PCDH9: variants seen among roughly 807,000 people sequenced by gnomAD.
PCDH9 encodes the protein protocadherin-9.
PCDH9 carries 24 observed loss-of-function variants against 70.6 expected under a neutral mutation model. That is an observed-to-expected ratio of 0.34 (90% CI 0.25 to 0.48). PCDH9 has a LOEUF of 0.48. PCDH9 is among the 20% of genes least tolerant of loss of function. The pLI, the probability that PCDH9 is intolerant of heterozygous loss-of-function variation, is 0.99. For synonymous variants in PCDH9, 562 were observed against 558.5 expected, an observed-to-expected ratio of 1.01 and a Z score of -0.09; for missense variants, 1,281 against 1,503.6, an observed-to-expected ratio of 0.85 and a Z score of 2.45.
At chr13:66,578,095 A>G (rs1566431494) in intron 4 of PCDH9, among the ~76,000 whole-genome samples, 2 of 152,108 alleles carry the variant, frequency 1.3e-5, no homozygotes, top group South Asian at 2.1e-4. Context: ...TCCCTAATGT[A>G]TTCAATATGC....
intron 2 of PCDH9, among the ~76,000 whole-genome samples, chr13:66,992,255 G>A (rs1299348157): frequency 6.6e-6 from 1 of 152,126 alleles, no homozygotes; most frequent in East Asian, 1.9e-4. Context: ...AGTAGTTTCT[G>A]AGTACTTACT....
intron 2 of PCDH9, among the ~76,000 whole-genome samples, chr13:67,100,910 CA>C (rs1194544476): frequency 6.6e-6 from 1 of 152,004 alleles, no homozygotes; most frequent in African/African-American, 2.4e-5. Context: ...GAAAGATATG[CA>C]ATCACTCAAA....
At chr13:67,022,303 T>C (rs1213080793) in intron 2 of PCDH9, among the ~76,000 whole-genome samples, 4 of 151,798 alleles carry the variant, frequency 2.6e-5, no homozygotes. Flanking sequence ...TGTATTTTTG[T>C]AGAGATGGGG....
intron 3 of PCDH9, among the ~76,000 whole-genome samples, chr13:66,845,322 T>C (rs2081188616): frequency 6.6e-6 from 1 of 152,192 alleles, no homozygotes; most frequent in African/African-American, 2.4e-5. Context: ...AGCAGGGAGC[T>C]GGCATCTCAG....
rs562759995 is a variant in PCDH9, at chr13:66,386,673, A to G, written c.3341-81645T>C. Among the ~76,000 whole-genome samples the G allele has an allele frequency of 1.4e-3, 211 of 152,286 alleles. 2 individuals are homozygous for G. The highest frequency in any genetic ancestry group is 4.9e-3 in the African/African-American group (205 of 41,572). On this transcript the variant is annotated intron_variant, in intron 4 of 4. Coordinates refer to ENST00000377865, the MANE Select transcript of PCDH9 (RefSeq NM_203487.3). ...ATGGGGTCCATAGAAATATTCATAT[A>G]GTGATTGGCAGGAAGGGCTATTTAA...
At chr13:66,779,873 A>ATATACATATGTGTG (rs375882917) in intron 3 of PCDH9, among the ~76,000 whole-genome samples, 1 of 115,876 alleles carries the variant, frequency 8.6e-6, no homozygotes, top group South Asian at 3.0e-4. Context: ...ATATACATAT[A>ATATACATATGTGTG]TGTGTGTGTG....
chr13:67,179,193 C>A (rs530611203), intron 2 of PCDH9, among the ~76,000 whole-genome samples: 1 of 151,970 alleles, frequency 6.6e-6, no homozygotes, highest in Non-Finnish European at 1.5e-5. Flanking sequence ...TTCTGTTTTA[C>A]AGAGGTGGAA....
intron 2 of PCDH9, chr13:67,212,779 G>A (rs899294517): frequency 4.6e-5 from 7 of 152,076 alleles, no homozygotes; most frequent in African/African-American, 1.4e-4. Flanking sequence ...GGCAGAAAAA[G>A]TTCTTCAGGG....
intron 3 of PCDH9, among the ~76,000 whole-genome samples, chr13:66,735,518 C>A (rs1295337097): frequency 6.6e-6 from 1 of 151,852 alleles, no homozygotes; most frequent in Non-Finnish European, 1.5e-5. Flanking sequence ...AATCATAAAT[C>A]TTAAATATGA....
intron 2 of PCDH9, among the ~76,000 whole-genome samples, chr13:67,085,764 G>C (rs2086094419): frequency 6.6e-6 from 1 of 152,118 alleles, no homozygotes; most frequent in African/African-American, 2.4e-5. Context: ...GCTTGACTTT[G>C]GACAAGGAAG....
chr13:66,976,699 A>T (rs1351195842), intron 2 of PCDH9, among the ~76,000 whole-genome samples: 5 of 152,160 alleles, frequency 3.3e-5, no homozygotes, highest in Non-Finnish European at 7.4e-5. Context: ...AAGTCAGGGT[A>T]GATGGGAAAA....
At chr13:66,772,923 AG>A (rs2079831367) in intron 3 of PCDH9, among the ~76,000 whole-genome samples, 1 of 151,876 alleles carries the variant, frequency 6.6e-6, no homozygotes, top group Non-Finnish European at 1.5e-5. Context: ...AAAAAAAAAA[AG>A]TCTCACAAGT....
intron 3 of PCDH9, among the ~76,000 whole-genome samples, chr13:66,737,642 C>T (rs2079174478): frequency 6.6e-6 from 1 of 152,170 alleles, no homozygotes; most frequent in Non-Finnish European, 1.5e-5. Context: ...GGTGCGCGCA[C>T]CGTGCACGAG....
intron 2 of PCDH9, among the ~76,000 whole-genome samples, chr13:67,002,895 C>A (rs960913327): frequency 6.6e-6 from 1 of 151,860 alleles, no homozygotes; most frequent in African/African-American, 2.4e-5. Context: ...GGTTCTTTAA[C>A]AGCAATTACT....
chr13:67,043,454 A>C (rs1327503137), intron 2 of PCDH9, among the ~76,000 whole-genome samples: 1 of 152,134 alleles, frequency 6.6e-6, no homozygotes. Flanking sequence ...AGAAAATCGA[A>C]AGTTTCTTTC....
At chr13:66,996,909 G>A (rs1423063467) in intron 2 of PCDH9, among the ~76,000 whole-genome samples, 1 of 152,168 alleles carries the variant, frequency 6.6e-6, no homozygotes, top group Non-Finnish European at 1.5e-5. Context: ...AGGAAGAAAA[G>A]AACAGAGAAA....
intron 4 of PCDH9, among the ~76,000 whole-genome samples, chr13:66,613,038 T>G (rs1472453021): frequency 6.6e-6 from 1 of 152,108 alleles, no homozygotes; most frequent in East Asian, 1.9e-4. Context: ...TCTAAGCCTT[T>G]TCATCCTCAG....
chr13:66,586,665 T>G (rs2076967447), intron 4 of PCDH9, among the ~76,000 whole-genome samples: 1 of 152,056 alleles, frequency 6.6e-6, no homozygotes, highest in Non-Finnish European at 1.5e-5. Context: ...GAAATGACAC[T>G]CCTAGATAGA....
intron 3 of PCDH9, chr13:66,886,181 T>G (rs975037145): frequency 1.1e-4 from 17 of 152,310 alleles, no homozygotes; most frequent in African/African-American, 4.1e-4. Context: ...TTGGCTCTTT[T>G]TTAAAGGGCA....
Sources: gnomAD v4.1 joint callset for allele counts (sites outside exome capture counted in the v4.1 genomes callset) on GRCh38, gnomAD v4.1.1 for gene constraint, MANE v1.5 for transcripts, NCBI Gene and HGNC (gene_info 2026-07-23, HGNC 2026-07-21) for gene names.